Variants in ADAM22 observed in about 807,000 individuals in gnomAD.
ADAM22 encodes ADAM metallopeptidase domain 22, also known as disintegrin and metalloproteinase domain-containing protein 22.
In ADAM22, 65 loss-of-function variants were observed where a neutral mutation model predicts 144.6. The ratio of observed to expected loss-of-function variants is 0.45; its 90% CI spans 0.37 to 0.55. The LOEUF is 0.55. Ranked by LOEUF, ADAM22 falls within the 20% of genes least tolerant of loss-of-function variation. The pLI is 0.00. For synonymous variants in ADAM22, 391 were observed against 412.6 expected, an observed-to-expected ratio of 0.95 and a Z score of 0.63; for missense variants, 974 against 1,184.9, an observed-to-expected ratio of 0.82 and a Z score of 2.61.
intron 14 of ADAM22, among the ~76,000 whole-genome samples, chr7:88,139,903 T>C (rs963689995): frequency 2.0e-5 from 3 of 152,168 alleles, no homozygotes; most frequent in Non-Finnish European, 2.9e-5. Flanking sequence ...TTTTTCATTG[T>C]TATAAATGAA....
At chr7:88,119,866 C>G (rs866330364) in intron 7 of ADAM22, among the ~76,000 whole-genome samples, 1 of 152,296 alleles carries the variant, frequency 6.6e-6, no homozygotes, top group Middle Eastern at 3.4e-3. Context: ...AGAAAAGCAA[C>G]TATGCACGTT....
intron 3 of ADAM22, among the ~76,000 whole-genome samples, chr7:88,006,289 C>A (rs1237727678): frequency 6.6e-6 from 1 of 152,074 alleles, no homozygotes; most frequent in Admixed American, 6.6e-5. Flanking sequence ...TGTCCAGGAC[C>A]AGATGGATTC....
In ADAM22 at chr7:88,079,417, G is replaced by A. The variant is rs367682287; in HGVS notation, c.390+3725G>A. Among the ~76,000 whole-genome samples the A allele has an allele frequency of 2.8e-4, 43 of 152,220 alleles. No homozygotes were observed. The East Asian group carries it at 6.4e-3, about 23-fold the overall frequency. On this transcript the variant is annotated intron_variant, in intron 4 of 31. Transcript: ENST00000413139. ...ATGCCAAATTGTAAAGACCATCGAG[G>A]CTAGGAAGAAACTGCATCAACTAAC...
chr7:88,010,377 G>T (rs113018038), intron 3 of ADAM22, among the ~76,000 whole-genome samples: 3 of 152,010 alleles, frequency 2.0e-5, no homozygotes, highest in Non-Finnish European at 2.9e-5. Context: ...TTACTGGCTC[G>T]GGTAACAAAC....
intron 5 of ADAM22, among the ~76,000 whole-genome samples, chr7:88,113,703 A>AATATATATATATATATATATATATAT (rs58099116): frequency 2.1e-5 from 1 of 48,106 alleles, no homozygotes; most frequent in African/African-American, 8.0e-5. Context: ...TAAATAAATA[A>AATATATATATATATATATATATATAT]ATATATATAT....
In ADAM22 at chr7:88,178,821, G is replaced by A. The variant is rs117150840; in HGVS notation, c.2301-114G>A. On this transcript the variant is annotated intron_variant, in intron 26 of 31. Transcript: ENST00000413139. ...TAATTTTATGTGTTGTGATAGATTT[G>A]ATTCATGTAGATCATTATCCCTACC... 5.6e-4 allele frequency: 295 copies of A among 526,040 alleles called. 1 individual carries two copies. Among genetic ancestry groups the A allele is most frequent in the South Asian group, 2.0e-3 (50 of 24,614 alleles). 32.6% of individuals were successfully genotyped at this position (526,040 alleles called of 1,614,324 possible). A position where few individuals can be genotyped will look rare whatever the true frequency, so the allele number is the denominator to read the frequency against.
intron 3 of ADAM22, among the ~76,000 whole-genome samples, chr7:88,028,698 T>C (rs980636338): frequency 2.6e-5 from 4 of 152,000 alleles, no homozygotes; most frequent in Admixed American, 2.6e-4. Context: ...TATACACATA[T>C]GTATATATTT....
chr7:88,187,135 C>T (rs542597388), intron 30 of ADAM22, among the ~76,000 whole-genome samples: 110 of 152,150 alleles, frequency 7.2e-4, no homozygotes, highest in Non-Finnish European at 1.2e-3. Context: ...CACGGAAAAA[C>T]GTATAAAGAA....
intron 3 of ADAM22, among the ~76,000 whole-genome samples, chr7:88,060,012 C>A (rs541328979): frequency 6.2e-4 from 94 of 151,960 alleles, no homozygotes; most frequent in African/African-American, 2.1e-3. Flanking sequence ...TAAAAAAAAA[C>A]CCCAATACTG....
intron 3 of ADAM22, among the ~76,000 whole-genome samples, chr7:87,994,124 T>C (rs1790523945): frequency 6.6e-6 from 1 of 152,170 alleles, no homozygotes; most frequent in South Asian, 2.1e-4. Context: ...TTTGTGTTAA[T>C]TGAAGTCTCT....
chr7:88,036,598 G>A (rs1025321381), intron 3 of ADAM22, among the ~76,000 whole-genome samples: 2 of 152,030 alleles, frequency 1.3e-5, no homozygotes, highest in Admixed American at 1.3e-4. Context: ...TACTGTATCT[G>A]TTTCCCCTTT....
chr7:87,938,629 C>T (rs1463124718), intron 2 of ADAM22, among the ~76,000 whole-genome samples: 1 of 151,868 alleles, frequency 6.6e-6, no homozygotes, highest in Non-Finnish European at 1.5e-5. Context: ...CTTTAAAAGG[C>T]ATTTATTTAT....
chr7:88,063,728 A>C (rs1490057092), intron 3 of ADAM22, among the ~76,000 whole-genome samples: 1 of 152,270 alleles, frequency 6.6e-6, no homozygotes, highest in South Asian at 2.1e-4. Context: ...AGAGGAAAAA[A>C]CAGGTCACAT....
intron 21 of ADAM22, 130 bp downstream of exon 21, chr7:88,153,456 C>A: frequency 1.5e-6 from 1 of 666,860 alleles, no homozygotes; most frequent in Non-Finnish European, 2.5e-6. Context: ...TCATCTCTTC[C>A]CAGTGTTCCA....
intron 21 of ADAM22, among the ~76,000 whole-genome samples, chr7:88,155,020 G>A (rs1296886673): frequency 1.3e-5 from 2 of 152,048 alleles, no homozygotes; most frequent in Non-Finnish European, 2.9e-5. Flanking sequence ...ATTAACAACA[G>A]TAAAGATATT....
chr7:88,052,216 G>T (rs778932226), intron 3 of ADAM22, among the ~76,000 whole-genome samples: 6 of 151,768 alleles, frequency 4.0e-5, no homozygotes, highest in Non-Finnish European at 8.8e-5. Context: ...AAAAATTCCC[G>T]GCCGGACGCG....
rs140467507 is a variant in ADAM22 at position 88,159,310 on chromosome 7, T to C, written c.1907+3304T>C. On this transcript the variant is annotated intron_variant, in intron 22 of 31. Coordinates refer to ENST00000413139, the MANE Select transcript of ADAM22 (RefSeq NM_001324418.2). ...GGCCAGGACCAGACAGACTCACAGC[T>C]GAATTCTACCAGATGTACGAAGAAG... Among the ~76,000 whole-genome samples, 1,263 of 152,204 alleles carry C rather than the reference T, an allele frequency of 8.3e-3. 21 individuals carry two copies. The highest frequency in any genetic ancestry group is 0.029 in the African/African-American group (1,215 of 41,540).
chr7:88,044,406 GCTC>G (rs1803983834), intron 3 of ADAM22, among the ~76,000 whole-genome samples: 1 of 152,126 alleles, frequency 6.6e-6, no homozygotes, highest in African/African-American at 2.4e-5. Flanking sequence ...TCAACTAAAA[GCTC>G]CTCGATTTGG....
chr7:88,162,513 T>A (rs1841978076), intron 22 of ADAM22, among the ~76,000 whole-genome samples: 2 of 152,130 alleles, frequency 1.3e-5, no homozygotes, highest in South Asian at 4.1e-4. Context: ...GTGACTTTTA[T>A]AGTAGCATTG....
Sources: allele counts gnomAD v4.1 joint callset (sites outside exome capture counted in the v4.1 genomes callset), GRCh38; gene constraint gnomAD v4.1.1; transcripts MANE v1.5; gene names NCBI Gene and HGNC (gene_info 2026-07-23, HGNC 2026-07-21).